ABCB7: variants seen among roughly 807,000 people sequenced by gnomAD.
ABCB7 encodes the protein ATP binding cassette subfamily B member 7.
A neutral mutation model predicts 54.4 loss-of-function variants in ABCB7; 7 were observed. That is an observed-to-expected ratio of 0.13 (90% CI 0.07 to 0.24). The LOEUF is 0.24. ABCB7 is among the 10% of genes least tolerant of loss of function. The probability of loss-of-function intolerance (pLI) is 1.00; values close to 1 mark genes in which losing one functional copy is unlikely to be tolerated. For missense variants in ABCB7, 356 were observed against 570.4 expected, an observed-to-expected ratio of 0.62 and a Z score of 3.83; for synonymous variants, 218 against 207.1, an observed-to-expected ratio of 1.05 and a Z score of -0.45.
chrX:75,071,231 G>C (rs1408571764), intron 9 of ABCB7, among the ~76,000 whole-genome samples: 1 of 110,167 alleles, frequency 9.1e-6, no homozygotes, highest in Admixed American at 9.7e-5. Context: ...AGAGAAATTA[G>C]AAAAGCTAGA....
chrX:75,094,721 C>T (rs1251988573), intron 4 of ABCB7, among the ~76,000 whole-genome samples: 2 of 110,445 alleles, frequency 1.8e-5, no homozygotes, highest in Admixed American at 1.9e-4. Context: ...CTTAAAAAAA[C>T]AAAAACCCCA....
chrX:75,115,266 C>CAAAAAAAAAAAAAAA (rs1160024642), intron 1 of ABCB7, among the ~76,000 whole-genome samples: 36 of 13,242 alleles, frequency 2.7e-3, no homozygotes, highest in Admixed American at 4.0e-3. Flanking sequence ...GACTCTGTCT[C>CAAAAAAAAAAAAAAA]AAAAAAAAAA....
chrX:75,114,933 G>C, intron 1 of ABCB7, 102 bp from the exon 2 acceptor site: 2 of 705,364 alleles, frequency 2.8e-6, no homozygotes, highest in Middle Eastern at 3.3e-4. Flanking sequence ...TAAAACCATA[G>C]CCATATTGGA....
intron 15 of ABCB7, among the ~76,000 whole-genome samples, chrX:75,059,420 G>A (rs927350254): frequency 3.7e-5 from 4 of 108,052 alleles, no homozygotes. Flanking sequence ...GCAGTGAGCC[G>A]AGATCGCGCC....
intron 15 of ABCB7, among the ~76,000 whole-genome samples, chrX:75,055,858 AT>A (rs565778123): frequency 3.0e-4 from 31 of 104,414 alleles, no homozygotes; most frequent in Non-Finnish European, 3.0e-4. Context: ...TTCAGGCTAA[AT>A]TTTTTTTTTT....
chrX:75,116,056 G>T (rs1405524282), intron 1 of ABCB7, among the ~76,000 whole-genome samples: 1 of 111,354 alleles, frequency 9.0e-6, no homozygotes, highest in Admixed American at 9.5e-5. Context: ...CTCTTGTGGG[G>T]GAAATTTGCA....
intron 1 of ABCB7, among the ~76,000 whole-genome samples, chrX:75,133,824 C>T (rs887748548): frequency 1.8e-5 from 2 of 111,835 alleles, no homozygotes; most frequent in Admixed American, 9.5e-5. Flanking sequence ...ACAAGAGGCC[C>T]TTAAAGGAGT....
intron 4 of ABCB7, among the ~76,000 whole-genome samples, chrX:75,088,440 A>G (rs2081516871): frequency 8.9e-6 from 1 of 112,205 alleles, no homozygotes; most frequent in African/African-American, 3.2e-5. Flanking sequence ...AAGATGGGTA[A>G]TATAAACAGA....
At position 75,062,424 on chromosome X, in the gene ABCB7, T is replaced by C; in HGVS notation, c.1839A>G (p.Glu613=). 1.7e-6 allele frequency: 2 copies of C among 1,208,120 alleles called. No homozygotes were observed. Among genetic ancestry groups the C allele is most frequent in the Non-Finnish European group, 2.2e-6 (2 of 892,287 alleles). ...GERGLKLSGG[E]KQRVAIARAI... ...CTCTTGCAATTGCTACTCTTTGCTT[T>C]TCTCCTCCTGGTAAAGGAAAATTTT... The change falls in exon 14 of 16, where the codon GAA becomes GAG. Residue 613 remains glutamate (E), a synonymous_variant. Coordinates refer to ENST00000373394, the MANE Select transcript of ABCB7 (RefSeq NM_001271696.3).
intron 4 of ABCB7, among the ~76,000 whole-genome samples, chrX:75,086,467 G>C (rs756481118): frequency 1.3e-4 from 14 of 111,767 alleles, no homozygotes; most frequent in African/African-American, 3.9e-4. Flanking sequence ...CTAGTCATCT[G>C]AGGAACCCAA....
rs193180427 is a variant in ABCB7, at chrX:75,129,103, C to G, written c.169-14272G>C. On this transcript the variant is annotated intron_variant, in intron 1 of 15. Coordinates refer to ENST00000373394, the MANE Select transcript of ABCB7 (RefSeq NM_001271696.3). ...CAGCAATCCCATTACTGAGTATATA[C>G]CCAAAGGATTATAAATCATGCTACT... Among the ~76,000 whole-genome samples the G allele has an allele frequency of 6.3e-5, 7 of 111,752 alleles. No individual in the cohort carries two copies. The East Asian group carries it at 1.7e-3, about 27-fold the overall frequency.
rs751872710 is a variant in ABCB7 at position 75,076,502 on chromosome X, G to C, written c.586+20C>G. On this transcript the variant is annotated intron_variant, in intron 5 of 15. Coordinates refer to ENST00000373394, the MANE Select transcript of ABCB7 (RefSeq NM_001271696.3). ...TGAAGAAAGTCAACACCTGTAGACAGATTAAAGAATCACACATACAGCCAA... is the reference window on the plus strand; with the variant it reads ...TGAAGAAAGTCAACACCTGTAGACACATTAAAGAATCACACATACAGCCAA... The C allele has an allele frequency of 5.0e-6, 6 of 1,209,464 alleles. No homozygotes were observed. The East Asian group carries it at 1.8e-4, about 36-fold the overall frequency.
chrX:75,078,950 T>C (rs1328150258), intron 4 of ABCB7, among the ~76,000 whole-genome samples: 1 of 112,063 alleles, frequency 8.9e-6, no homozygotes, highest in Non-Finnish European at 1.9e-5. Context: ...TGCAATCCAA[T>C]ACACTTTCTT....
chrX:75,077,629 AG>A (rs901706952), intron 4 of ABCB7, among the ~76,000 whole-genome samples: 2 of 111,881 alleles, frequency 1.8e-5, no homozygotes, highest in African/African-American at 6.5e-5. Context: ...ATCTTTGCAA[AG>A]TTTAGCTATA....
intron 1 of ABCB7, 38 bp from the exon 2 acceptor site, chrX:75,114,869 G>A (rs2081795102): frequency 9.8e-7 from 1 of 1,023,783 alleles, no homozygotes; most frequent in African/African-American, 1.8e-5. Flanking sequence ...AAGTTTCAGA[G>A]TGGACACTTA....
chrX:75,102,695 G>A (rs759509763), intron 3 of ABCB7, among the ~76,000 whole-genome samples: 3 of 111,118 alleles, frequency 2.7e-5, no homozygotes, highest in East Asian at 2.8e-4. Flanking sequence ...TGGATCATAT[G>A]GTAGTTCTAG....
rs1775833622 is a variant in ABCB7 at position 75,053,481 on chromosome X, A to T, written c.2148T>A (p.Asp716Glu). Residue 716 changes from aspartate (D) to glutamate (E), a missense_variant, in exon 16 of 16, where the codon GAT (aspartate) becomes GAA (glutamate). Asp to Glu is a conservative substitution (Grantham distance 45). This residue lies in a region of ABCB7 where 241 missense variants were observed against 470.9 expected (regional missense o/e 0.51). Transcript: ENST00000373394. ...HTQSSRVQNHDNPKWEAKKEN... is the reference protein window; with the variant it reads ...HTQSSRVQNHENPKWEAKKEN... ...CTTTCTTTGCTTCCCATTTGGGGTT[A>T]TCATGGTTCTGCACACGGCTGCTCT... is the stretch of plus-strand genomic sequence containing the variant. 8.3e-7 allele frequency: 1 copy of T among 1,209,717 alleles called. No homozygotes were observed. Among genetic ancestry groups the T allele is most frequent in the South Asian group, 1.8e-5 (1 of 56,792 alleles).
chrX:75,115,410 C>CTTTTTTTTTTTTTTTTTTTTTTTTT (rs747398607), intron 1 of ABCB7, among the ~76,000 whole-genome samples: 8 of 30,183 alleles, frequency 2.7e-4, no homozygotes, highest in African/African-American at 5.4e-4. Flanking sequence ...TGTCTCTTTT[C>CTTTTTTTTTTTTTTTTTTTTTTTTT]TTTTTTTTTT....
intron 3 of ABCB7, among the ~76,000 whole-genome samples, chrX:75,110,428 C>T (rs773807407): frequency 9.0e-6 from 1 of 111,583 alleles, no homozygotes; most frequent in Non-Finnish European, 1.9e-5. Context: ...AATTTTTAAT[C>T]CTCCAAGTTA....
Sources: gnomAD v4.1 joint callset for allele counts (sites outside exome capture counted in the v4.1 genomes callset) on GRCh38, gnomAD v4.1.1 for gene constraint, gnomAD v4.1.1 regional missense constraint, MANE v1.5 for transcripts, NCBI Gene and HGNC (gene_info 2026-07-23, HGNC 2026-07-21) for gene names.